Variants in LRRC49 observed in about 807,000 individuals in gnomAD.
LRRC49 encodes the protein leucine rich repeat containing 49, also known as leucine-rich repeat-containing protein 49.
LRRC49 carries 50 observed loss-of-function variants against 83.3 expected under a neutral mutation model. That is an observed-to-expected ratio of 0.60 (90% CI 0.48 to 0.76). The LOEUF is 0.76. Ranked by LOEUF, LRRC49 falls within the 30% of genes least tolerant of loss-of-function variation. LRRC49 has a pLI of 0.00. For missense variants in LRRC49, 704 were observed against 809.1 expected, an observed-to-expected ratio of 0.87 and a Z score of 1.58; for synonymous variants, 286 against 283.3, an observed-to-expected ratio of 1.01 and a Z score of -0.10.
At chr15:70,989,171 T>C (rs1046935960) in intron 11 of LRRC49, among the ~76,000 whole-genome samples, 3 of 152,192 alleles carry the variant, frequency 2.0e-5, no homozygotes, top group Non-Finnish European at 4.4e-5. Flanking sequence ...TTCCTGAATC[T>C]GAATGTTGGC....
Position 70,854,146 on chromosome 15 carries a change from T to G in LRRC49, c.-299+677T>G, listed in dbSNP as rs1381797581. 2.5e-6 allele frequency: 3 copies of G among 1,183,944 alleles called. No homozygotes were observed. In the Admixed American group the frequency reaches 1.3e-4, roughly 53 times the overall value. 73.3% of individuals were successfully genotyped at this position (1,183,944 alleles called of 1,614,324 possible). On this transcript the variant is annotated intron_variant, in intron 1 of 16. Coordinates refer to the LRRC49 transcript ENST00000544974. ...CACGCCGCAAGGCCCAGCCAGCCGG[T>G]CGGCAGCGACTGCGACGAGGGGGCG...
At chr15:70,872,738 A>G (rs1767449077) in intron 1 of LRRC49, among the ~76,000 whole-genome samples, 2 of 152,184 alleles carry the variant, frequency 1.3e-5, no homozygotes, top group Non-Finnish European at 1.5e-5. Context: ...GCAGCATCTC[A>G]GAAAGCTCTC....
chr15:71,043,757 A>T (rs958944544), intron 15 of LRRC49, among the ~76,000 whole-genome samples: 1 of 152,244 alleles, frequency 6.6e-6, no homozygotes, highest in Non-Finnish European at 1.5e-5. Flanking sequence ...GGAAGTAACT[A>T]TAGCAGAAAA....
intron 14 of LRRC49, among the ~76,000 whole-genome samples, chr15:71,027,417 C>A (rs1045525706): frequency 4.3e-4 from 65 of 152,062 alleles, no homozygotes; most frequent in African/African-American, 1.5e-3. Flanking sequence ...GATTGCCTTG[C>A]CTATATGGGC....
intron 8 of LRRC49, among the ~76,000 whole-genome samples, chr15:70,940,417 C>T (rs1458059464): frequency 1.3e-5 from 2 of 152,062 alleles, no homozygotes; most frequent in Non-Finnish European, 2.9e-5. Flanking sequence ...CCACCATGCC[C>T]GGCTAATTTT....
intron 11 of LRRC49, among the ~76,000 whole-genome samples, chr15:71,007,708 T>C (rs1016598947): frequency 1.1e-4 from 2 of 18,746 alleles, no homozygotes; most frequent in Admixed American, 1.8e-3. Context: ...ATGAGAAGCA[T>C]GTATATATAT....
intron 7 of LRRC49, among the ~76,000 whole-genome samples, chr15:70,921,338 C>A (rs557902739): frequency 6.6e-6 from 1 of 152,132 alleles, no homozygotes; most frequent in Non-Finnish European, 1.5e-5. Context: ...AGATAAAACA[C>A]CCACACTTTC....
chr15:71,003,606 T>C (rs2038342884), intron 11 of LRRC49, among the ~76,000 whole-genome samples: 1 of 152,226 alleles, frequency 6.6e-6, no homozygotes, highest in African/African-American at 2.4e-5. Flanking sequence ...CTGATAAATC[T>C]GTGTTCTCTT....
At chr15:71,026,861 G>A (rs773748364) in intron 14 of LRRC49, among the ~76,000 whole-genome samples, 9 of 151,950 alleles carry the variant, frequency 5.9e-5, no homozygotes, top group Non-Finnish European at 1.2e-4. Flanking sequence ...CAGATGGGTC[G>A]CTTGCAAAAA....
Position 71,033,716 on chromosome 15 carries a change from A to G in LRRC49, c.1704-3463A>G, listed in dbSNP as rs554420102. Among the ~76,000 whole-genome samples the G allele has an allele frequency of 7.2e-5, 11 of 152,262 alleles. No homozygotes were observed. The East Asian group carries it at 1.9e-3, about 27-fold the overall frequency. ...CATACACCAGTGGAACAGAATAGAAATCTCAGAAATAAGACCACACATCTA... is the reference window on the plus strand; with the variant it reads ...CATACACCAGTGGAACAGAATAGAAGTCTCAGAAATAAGACCACACATCTA... On this transcript the variant is annotated intron_variant, in intron 14 of 15. Transcript: ENST00000260382.
Position 71,009,945 on chromosome 15 carries a change from C to T in LRRC49, c.1546C>T (p.Leu516=). The T allele has an allele frequency of 6.2e-7, 1 of 1,609,260 alleles. No individual in the cohort carries two copies. Among genetic ancestry groups the T allele is most frequent in the Non-Finnish European group, 8.5e-7 (1 of 1,177,214 alleles). Residue 516 remains leucine (L), a synonymous_variant, in exon 13 of 16, where the codon CTG becomes TTG. Coordinates refer to ENST00000260382, the MANE Select transcript of LRRC49 (RefSeq NM_017691.5). The part of the protein sequence containing the change: ...VNFTLWKYYV[L]FRLSHFSMQK... ...TTTTACACTCTGGAAATACTATGTA[C>T]TGTTTAGGCTAAGCCATTTCAGTAT...
At chr15:70,948,535 T>G (rs1175301273) in intron 8 of LRRC49, among the ~76,000 whole-genome samples, 1 of 148,904 alleles carries the variant, frequency 6.7e-6, no homozygotes, top group Non-Finnish European at 1.5e-5. Context: ...AAAAGAGGGA[T>G]GTAATCCTTT....
chr15:70,962,863 G>A (rs968893475), intron 8 of LRRC49, among the ~76,000 whole-genome samples: 61 of 152,062 alleles, frequency 4.0e-4, no homozygotes, highest in Admixed American at 8.5e-4. Context: ...AGTATGAAAA[G>A]GAGAGGATGC....
rs575534402 is a variant in LRRC49, at chr15:70,930,223, G to A, written c.712-6538G>A. On this transcript the variant is annotated intron_variant, in intron 7 of 15. Coordinates refer to ENST00000260382, the MANE Select transcript of LRRC49 (RefSeq NM_017691.5). The stretch of plus-strand genomic sequence containing the variant: ...TCCTTGCTCCATGGACTGCAGAATG[G>A]ATGTTGTGTTAGCAGGCATGAAAAC... Among the ~76,000 whole-genome samples the A allele has an allele frequency of 2.6e-5, 4 of 152,270 alleles. No individual in the cohort carries two copies. In the East Asian group the frequency reaches 7.7e-4, roughly 29 times the overall value.
intron 1 of LRRC49, among the ~76,000 whole-genome samples, chr15:70,871,630 C>T (rs2033041730): frequency 6.6e-6 from 1 of 152,002 alleles, no homozygotes; most frequent in Admixed American, 6.5e-5. Flanking sequence ...ACGCTCCTCA[C>T]TTCCCAGACG....
At chr15:70,936,941 A>G in intron 8 of LRRC49, 119 bp downstream of exon 8, 1 of 660,840 alleles carries the variant, frequency 1.5e-6, no homozygotes, top group Non-Finnish European at 2.6e-6. Flanking sequence ...TTTAAATTAG[A>G]AAATGATAAG....
chr15:70,916,741 T>C (rs1189214759), intron 6 of LRRC49, among the ~76,000 whole-genome samples: 3 of 152,258 alleles, frequency 2.0e-5, no homozygotes, highest in Admixed American at 6.5e-5. Flanking sequence ...CCCTTCCGAG[T>C]TGGGGCGGGA....
intron 1 of LRRC49, among the ~76,000 whole-genome samples, chr15:70,868,407 A>G (rs1045468888): frequency 3.3e-5 from 5 of 152,228 alleles, no homozygotes; most frequent in Non-Finnish European, 7.3e-5. Context: ...ATGTTACATC[A>G]CACTGTCCCT....
At chr15:70,905,516 A>G (rs1427521780) in intron 5 of LRRC49, among the ~76,000 whole-genome samples, 4 of 152,186 alleles carry the variant, frequency 2.6e-5, no homozygotes, top group African/African-American at 7.2e-5. Context: ...ACCCATCTCA[A>G]GGTTCATGGC....
Sources: allele counts gnomAD v4.1 joint callset (sites outside exome capture counted in the v4.1 genomes callset), GRCh38; gene constraint gnomAD v4.1.1; transcripts MANE v1.5; gene names NCBI Gene and HGNC (gene_info 2026-07-23, HGNC 2026-07-21).